The following FBXO15 variants were observed in gnomAD, a reference collection of about 807,000 sequenced individuals.
FBXO15 encodes F-box protein 15, also known as F-box only protein 15.
In FBXO15, 30 loss-of-function variants were observed where a neutral mutation model predicts 49.5. The observed-to-expected ratio is 0.61, with a 90% CI of 0.45 to 0.82. FBXO15 has a LOEUF of 0.82. FBXO15 is among the 40% of genes least tolerant of loss of function. FBXO15 has a pLI of 0.00. For synonymous variants in FBXO15, 250 were observed against 232.7 expected (o/e 1.07, Z -0.68); for missense variants, 591 against 631.5 (o/e 0.94, Z 0.69).
intron 8 of FBXO15, among the ~76,000 whole-genome samples, chr18:74,109,189 C>A (rs753132325): frequency 3.3e-5 from 5 of 152,154 alleles, no homozygotes; most frequent in Non-Finnish European, 4.4e-5. Context: ...ACAGACACTT[C>A]TCAAAAGAAG....
At chr18:74,133,988 A>G (rs948075725) in intron 3 of FBXO15, among the ~76,000 whole-genome samples, 2 of 152,166 alleles carry the variant, frequency 1.3e-5, no homozygotes, top group Admixed American at 6.5e-5. Context: ...ACAAATCTCA[A>G]CTACGTAAAC....
At chr18:74,076,344 A>G (rs1482420529) in intron 9 of FBXO15, 1 of 152,258 alleles carries the variant, frequency 6.6e-6, no homozygotes, top group Non-Finnish European at 1.5e-5. Flanking sequence ...CTAGGAGGTG[A>G]TTAGGTCACG....
intron 8 of FBXO15, among the ~76,000 whole-genome samples, chr18:74,082,750 CACCCT>C (rs780795656): frequency 3.3e-5 from 5 of 152,144 alleles, no homozygotes; most frequent in Non-Finnish European, 5.9e-5. Flanking sequence ...TGTCTGAACG[CACCCT>C]GAGAAGCGAC....
At chr18:74,082,295 T>C (rs540792009) in intron 8 of FBXO15, among the ~76,000 whole-genome samples, 2 of 152,254 alleles carry the variant, frequency 1.3e-5, no homozygotes, top group African/African-American at 4.8e-5. Flanking sequence ...CAGGGGAAGC[T>C]GGCTGAGGCG....
At chr18:74,089,767 C>T (rs1335276050) in intron 8 of FBXO15, among the ~76,000 whole-genome samples, 1 of 152,066 alleles carries the variant, frequency 6.6e-6, no homozygotes, top group Non-Finnish European at 1.5e-5. Flanking sequence ...GAGATAAAAC[C>T]TACTTGATCA....
At chr18:74,112,168 A>T (rs970775513) in intron 8 of FBXO15, among the ~76,000 whole-genome samples, 1 of 152,216 alleles carries the variant, frequency 6.6e-6, no homozygotes, top group Non-Finnish European at 1.5e-5. Flanking sequence ...AAGCAAAGGG[A>T]ATACTTGCTA....
chr18:74,080,075 T>C (rs1599131537), intron 9 of FBXO15, among the ~76,000 whole-genome samples: 1 of 152,200 alleles, frequency 6.6e-6, no homozygotes, highest in South Asian at 2.1e-4. Flanking sequence ...TTTACATTTT[T>C]TTAAAAGTCA....
At chr18:74,115,031 G>A (rs950798532) in intron 8 of FBXO15, among the ~76,000 whole-genome samples, 4 of 152,174 alleles carry the variant, frequency 2.6e-5, no homozygotes, top group Non-Finnish European at 4.4e-5. Flanking sequence ...CTAGAAGCAT[G>A]AGCAATATTT....
At chr18:74,089,818 C>T (rs1309023988) in intron 8 of FBXO15, among the ~76,000 whole-genome samples, 1 of 152,082 alleles carries the variant, frequency 6.6e-6, no homozygotes, top group Non-Finnish European at 1.5e-5. Flanking sequence ...ATTCAGTTTG[C>T]TAGTATTTTG....
Position 74,073,624 on chromosome 18 carries a change from G to C in FBXO15, c.1370C>G (p.Ser457Cys). ...LRSPATPSDS[S>C]SFLGQTYNVD... Reference sequence around the variant, plus strand: ...GTTGTATGTCTGTCCCAAGAAGCTAGAGCTGTCAGAGGGTGTGGCAGGCGA... The same window carrying C: ...GTTGTATGTCTGTCCCAAGAAGCTACAGCTGTCAGAGGGTGTGGCAGGCGA... Residue 457 changes from serine (S) to cysteine (C), a missense_variant, in exon 10 of 10, where the codon TCT (serine) becomes TGT (cysteine). Ser to Cys is a moderately radical substitution (Grantham distance 112, BLOSUM62 -1). Transcript: ENST00000419743. 6.2e-7 allele frequency: 1 copy of C among 1,614,200 alleles called. No homozygotes were observed. The highest frequency in any genetic ancestry group is 8.5e-7 in the Non-Finnish European group (1 of 1,180,032).
chr18:74,146,440 T>TTCAC (rs1979415976), intron 1 of FBXO15, among the ~76,000 whole-genome samples: 1 of 152,212 alleles, frequency 6.6e-6, no homozygotes, highest in South Asian at 2.1e-4. Flanking sequence ...ATCCAGGAAG[T>TTCAC]TCACTCAACT....
chr18:74,121,246 T>A lies in FBXO15; in HGVS notation c.1138+2122A>T, dbSNP rs114797815. Among the ~76,000 whole-genome samples, 307 of 152,298 alleles carry A rather than the reference T, an allele frequency of 2.0e-3. 2 individuals carry two copies. Among genetic ancestry groups the A allele is most frequent in the Middle Eastern group, 0.01 (3 of 294 alleles). On this transcript the variant is annotated intron_variant, in intron 8 of 9. Coordinates refer to ENST00000419743, the MANE Select transcript of FBXO15 (RefSeq NM_001142958.2). ...CAAACAAGGAAGAAATACTACCAAT[T>A]CTATGCAAAATCCTCCAAAAAATCC...
intron 8 of FBXO15, among the ~76,000 whole-genome samples, chr18:74,108,283 G>C (rs1711911908): frequency 6.6e-6 from 1 of 151,924 alleles, no homozygotes; most frequent in South Asian, 2.1e-4. Context: ...GACTGTAAGA[G>C]ATAAAAAAAA....
Position 74,126,019 on chromosome 18 carries a change from G to A in FBXO15, c.868C>T (p.Arg290Trp), listed in dbSNP as rs1326644945. Residue 290 changes from arginine (R) to tryptophan (W), a missense_variant, in exon 6 of 10, where the codon CGG (arginine) becomes TGG (tryptophan). Arg to Trp is a moderately radical substitution (Grantham distance 101, BLOSUM62 -3). Coordinates refer to ENST00000419743, the MANE Select transcript of FBXO15 (RefSeq NM_001142958.2). ...STMIGCDRLIRIFCLHPGLLV... is the reference protein window; with the variant it reads ...STMIGCDRLIWIFCLHPGLLV... ...AGGCCAGGGTGCAGGCAGAAGATCC[G>A]AATGAGTCTGTCACAGCCAATCATG... 11 of 1,613,914 alleles carry A rather than the reference G, an allele frequency of 6.8e-6. No individual in the cohort carries two copies. The highest frequency in any genetic ancestry group is 5.3e-5 in the African/African-American group (4 of 74,896).
At chr18:74,073,765 G>A in intron 9 of FBXO15, 35 bp from the exon 10 acceptor site, 1 of 1,577,176 alleles carries the variant, frequency 6.3e-7, no homozygotes, top group South Asian at 1.2e-5. Context: ...AGGATAAAAA[G>A]GCCAATCAGA....
intron 8 of FBXO15, chr18:74,098,428 T>G (rs1177696904): frequency 1.3e-5 from 2 of 152,012 alleles, no homozygotes; most frequent in East Asian, 3.9e-4. Context: ...AAAAAACAAT[T>G]AAAACTTCAG....
chr18:74,126,116 C>G lies in FBXO15; in HGVS notation c.786-15G>C. On this transcript the variant is annotated splice_polypyrimidine_tract_variant and intron_variant, in intron 5 of 9. Coordinates refer to ENST00000419743, the MANE Select transcript of FBXO15 (RefSeq NM_001142958.2). ...GCCATCGGAGTCTTTGAACGTTATG[C>G]CAAGGAAAGGAGAGAGAGAAGTGAG... 1 of 1,612,466 alleles carries G rather than the reference C, an allele frequency of 6.2e-7. No individual in the cohort carries two copies. Among genetic ancestry groups the G allele is most frequent in the Non-Finnish European group, 8.5e-7 (1 of 1,179,106 alleles).
chr18:74,110,124 T>C (rs1913948390), intron 8 of FBXO15, among the ~76,000 whole-genome samples: 1 of 149,710 alleles, frequency 6.7e-6, no homozygotes. Context: ...CCCAAAACAG[T>C]AGTAGTAATA....
intron 5 of FBXO15, among the ~76,000 whole-genome samples, chr18:74,128,646 G>A (rs945830624): frequency 6.6e-6 from 1 of 152,212 alleles, no homozygotes; most frequent in African/African-American, 2.4e-5. Flanking sequence ...CTCCAGAGAT[G>A]AGGATGCTAT....
Sources: allele counts gnomAD v4.1 joint callset (sites outside exome capture counted in the v4.1 genomes callset), GRCh38; gene constraint gnomAD v4.1.1; transcripts MANE v1.5; gene names NCBI Gene and HGNC (gene_info 2026-07-23, HGNC 2026-07-21).